SPHKAP: variants seen among roughly 807,000 people sequenced by gnomAD.
The protein encoded by SPHKAP is A-kinase anchor protein SPHKAP.
SPHKAP carries 67 observed loss-of-function variants against 137.5 expected under a neutral mutation model. That is an observed-to-expected ratio of 0.49 (90% confidence interval 0.40 to 0.60). SPHKAP has a LOEUF of 0.60. Among genes scored for constraint, SPHKAP ranks in the 20% least tolerant of loss-of-function variants. SPHKAP has a pLI of 0.00. For missense variants in SPHKAP, 2,097 were observed against 2,069.3 expected, an observed-to-expected ratio of 1.01 and a Z score of -0.26; for synonymous variants, 813 against 785.3, an observed-to-expected ratio of 1.04 and a Z score of -0.59.
intron 3 of SPHKAP, among the ~76,000 whole-genome samples, chr2:228,049,419 CTGT>C (rs1311075815): frequency 5.3e-5 from 8 of 152,306 alleles, no homozygotes; most frequent in African/African-American, 1.7e-4. Flanking sequence ...TTCCAGTATA[CTGT>C]TGTTTATTGA....
Position 228,178,639 on chromosome 2 carries a change from TA to T in SPHKAP, c.32+2927del, listed in dbSNP as rs143390733. On this transcript the variant is annotated intron_variant, in intron 1 of 11. Transcript: ENST00000392056. Reference sequence around the variant, plus strand: ...AGAACCTCTATCAGCGATTTTAGATTAAAAAAAAATCCCTCTTAAATTTTTT... The same window carrying T: ...AGAACCTCTATCAGCGATTTTAGATTAAAAAAAATCCCTCTTAAATTTTTT... 6.1e-3 allele frequency among the ~76,000 whole-genome samples: 931 copies of T among 151,448 alleles called. 7 individuals carry two copies. The highest frequency in any genetic ancestry group is 0.017 in the Middle Eastern group (5 of 294).
intron 7 of SPHKAP, among the ~76,000 whole-genome samples, chr2:228,015,898 C>T (rs530515550): frequency 4.7e-4 from 71 of 152,180 alleles, no homozygotes; most frequent in Admixed American, 9.8e-4. Context: ...AATGCCAAAA[C>T]TAATATTTAT....
chr2:227,991,025 T>G lies in SPHKAP; in HGVS notation c.4934A>C (p.Lys1645Thr), dbSNP rs1356100006. ...CTTTTCAATTCTGTTTTCCTGAGAT[T>G]TCTTAAAGTAGATGGTGGGAATCCC... is the stretch of plus-strand genomic sequence containing the variant. Reference protein sequence around the residue: ...ELGIPTIYFKKSQENRIEKFL... With the variant: ...ELGIPTIYFKTSQENRIEKFL... The change falls in exon 11 of 12, where the codon AAA (lysine) becomes ACA (threonine). Residue 1645 changes from lysine (K) to threonine (T), a missense_variant. Transcript: ENST00000392056. The G allele has an allele frequency of 8.1e-6, 13 of 1,614,032 alleles. No homozygotes were observed. Among genetic ancestry groups the G allele is most frequent in the Non-Finnish European group, 1.1e-5 (13 of 1,180,002 alleles).
intron 7 of SPHKAP, among the ~76,000 whole-genome samples, chr2:228,009,300 T>A (rs1395894054): frequency 6.6e-6 from 1 of 152,156 alleles, no homozygotes; most frequent in Non-Finnish European, 1.5e-5. Context: ...GACAATTTCT[T>A]TATGATTTGC....
rs1331355468 is a variant in SPHKAP, at chr2:228,154,508, C to CTATATATATA, written c.33-22424_33-22423insTATATATATA. ...TCTCTCTCTCTCTCTCTCTCTCTCT[C>CTATATATATA]TCTCTATATATATATATATATATAT... On this transcript the variant is annotated intron_variant, in intron 1 of 11. Coordinates refer to ENST00000392056, the MANE Select transcript of SPHKAP (RefSeq NM_001142644.2). Among the ~76,000 whole-genome samples, 191 of 34,524 alleles carry CTATATATATA rather than the reference C, an allele frequency of 5.5e-3. 1 individual carries two copies. Among genetic ancestry groups the CTATATATATA allele is most frequent in the Non-Finnish European group, 6.7e-3 (131 of 19,530 alleles). The allele number at this position is 34,524 out of a possible 152,430, so 22.6% of individuals were successfully genotyped here.
At chr2:228,151,141 T>A (rs1441862019) in intron 1 of SPHKAP, among the ~76,000 whole-genome samples, 1 of 148,884 alleles carries the variant, frequency 6.7e-6, no homozygotes, top group Non-Finnish European at 1.5e-5. Context: ...TGTCCATGTG[T>A]TCTCATTGTT....
At chr2:228,004,318 G>A (rs187040904) in intron 7 of SPHKAP, among the ~76,000 whole-genome samples, 1,939 of 152,114 alleles carry the variant, frequency 0.013, 40 homozygotes, top group African/African-American at 0.044. Context: ...GAATTTATCC[G>A]TTTCTTCTAG....
chr2:228,076,127 A>G (rs1697174637), intron 3 of SPHKAP, among the ~76,000 whole-genome samples: 1 of 152,144 alleles, frequency 6.6e-6, no homozygotes, highest in South Asian at 2.1e-4. Context: ...TCCACATAAG[A>G]TGTGACTTGC....
chr2:228,032,765 T>C (rs922266338), intron 3 of SPHKAP, among the ~76,000 whole-genome samples: 1 of 152,274 alleles, frequency 6.6e-6, no homozygotes, highest in South Asian at 2.1e-4. Context: ...GAATTTCATA[T>C]CCAGCCAAAC....
chr2:228,042,118 A>C (rs774460306), intron 3 of SPHKAP, among the ~76,000 whole-genome samples: 17 of 152,284 alleles, frequency 1.1e-4, no homozygotes, highest in African/African-American at 1.9e-4. Context: ...AAACAAACAA[A>C]CAACCAATGG....
chr2:228,075,925 C>T (rs1312797912), intron 3 of SPHKAP, among the ~76,000 whole-genome samples: 1 of 152,180 alleles, frequency 6.6e-6, no homozygotes, highest in Non-Finnish European at 1.5e-5. Flanking sequence ...TTGGCTGTGT[C>T]CTCACTCAAA....
chr2:228,064,570 T>C (rs1304025054), intron 3 of SPHKAP, among the ~76,000 whole-genome samples: 1 of 152,254 alleles, frequency 6.6e-6, no homozygotes, highest in African/African-American at 2.4e-5. Context: ...GCTTTATTCC[T>C]GGGGCGTATC....
At chr2:228,156,938 A>C (rs1196081676) in intron 1 of SPHKAP, among the ~76,000 whole-genome samples, 1 of 152,092 alleles carries the variant, frequency 6.6e-6, no homozygotes, top group East Asian at 1.9e-4. Flanking sequence ...TAAATTACCC[A>C]GTCTTAGGTA....
intron 3 of SPHKAP, among the ~76,000 whole-genome samples, chr2:228,085,614 A>G (rs1697511832): frequency 6.6e-6 from 1 of 152,206 alleles, no homozygotes. Flanking sequence ...TATTAAGGGC[A>G]ACATTTTACA....
chr2:228,154,534 T>TATATATA (rs1700046803), intron 1 of SPHKAP, among the ~76,000 whole-genome samples: 3 of 9,420 alleles, frequency 3.2e-4, no homozygotes, highest in African/African-American at 4.1e-4. Flanking sequence ...ATATATATAT[T>TATATATA]TTTTTTTTTT....
At chr2:228,078,311 A>G (rs1559161242) in intron 3 of SPHKAP, among the ~76,000 whole-genome samples, 1 of 152,096 alleles carries the variant, frequency 6.6e-6, no homozygotes, top group Non-Finnish European at 1.5e-5. Context: ...ATACCAAACC[A>G]TCAACACAGA....
chr2:228,112,280 G>A (rs1002160309), intron 2 of SPHKAP, among the ~76,000 whole-genome samples: 1 of 152,038 alleles, frequency 6.6e-6, no homozygotes, highest in African/African-American at 2.4e-5. Flanking sequence ...GTAAAATACA[G>A]GCATCAAATG....
rs147744243 is a variant in SPHKAP at position 228,017,539 on chromosome 2, C to T, written c.3315G>A (p.Thr1105=). 55 of 1,612,990 alleles carry T rather than the reference C, an allele frequency of 3.4e-5. No individual in the cohort carries two copies. In the Middle Eastern group the frequency reaches 1.5e-3, roughly 44 times the overall value. The part of the protein sequence containing the change: ...AYVNSLGLMS[T]LSQPVSRASS... ...TGGCCCTGCTGACCGGCTGGCTCAG[C>T]GTGCTCATTAAGCCCAGGCTGTTGA... Residue 1105 remains threonine, a synonymous_variant, in exon 7 of 12, where the codon ACG becomes ACA. Transcript: ENST00000392056.
chr2:228,165,107 T>C (rs13409234), intron 1 of SPHKAP, among the ~76,000 whole-genome samples: 19,371 of 152,148 alleles, frequency 0.13, 1,255 homozygotes, highest in East Asian at 0.2. Flanking sequence ...ATCTATTTTA[T>C]ATTAGACCTT....
Sources: allele counts gnomAD v4.1 joint callset (sites outside exome capture counted in the v4.1 genomes callset), GRCh38; gene constraint gnomAD v4.1.1; transcripts MANE v1.5; gene names NCBI Gene and HGNC (gene_info 2026-07-23, HGNC 2026-07-21).